Variants in MYCBP2 observed in about 807,000 individuals in gnomAD.
MYCBP2 encodes the protein E3 ubiquitin-protein ligase MYCBP2.
MYCBP2 carries 120 observed loss-of-function variants against 525.3 expected under a neutral mutation model. The ratio of observed to expected loss-of-function variants is 0.23; its 90% confidence interval spans 0.20 to 0.27. The LOEUF is 0.27. Ranked by LOEUF, MYCBP2 falls within the 10% of genes least tolerant of loss-of-function variation. MYCBP2 has a pLI of 1.00. For synonymous variants in MYCBP2, 1,894 were observed against 1,955.8 expected (o/e 0.97, Z 0.83); for missense variants, 4,149 against 5,657.1 (o/e 0.73, Z 8.55).
intron 1 of MYCBP2, among the ~76,000 whole-genome samples, chr13:77,319,014 G>T (rs2081283486): frequency 6.6e-6 from 1 of 152,208 alleles, no homozygotes; most frequent in Non-Finnish European, 1.5e-5. Context: ...ATTTGTGACA[G>T]ATATTGCTGT....
intron 15 of MYCBP2, among the ~76,000 whole-genome samples, chr13:77,245,848 G>GTA (rs941642695): frequency 1.1e-5 from 1 of 94,936 alleles, no homozygotes; most frequent in East Asian, 2.3e-4. Flanking sequence ...ATATATATAT[G>GTA]TATACACACA....
chr13:77,115,373 A>G (rs1566584832), intron 55 of MYCBP2, among the ~76,000 whole-genome samples: 1 of 151,952 alleles, frequency 6.6e-6, no homozygotes, highest in Non-Finnish European at 1.5e-5. Context: ...TTTTAAATTA[A>G]AAAGTAAATT....
At chr13:77,167,547 G>A (rs1032280541) in intron 40 of MYCBP2, among the ~76,000 whole-genome samples, 9 of 152,154 alleles carry the variant, frequency 5.9e-5, no homozygotes, top group Non-Finnish European at 8.8e-5. Flanking sequence ...GGGGACTTAA[G>A]AGACATACTA....
chr13:77,141,194 G>A (rs1429475311), intron 49 of MYCBP2, among the ~76,000 whole-genome samples: 1 of 152,060 alleles, frequency 6.6e-6, no homozygotes, highest in Admixed American at 6.6e-5. Context: ...TAGAACATAT[G>A]AAATGATACA....
rs987891633 is a variant in MYCBP2 at position 77,081,131 on chromosome 13, G to A, written c.11418+296C>T. On this transcript the variant is annotated intron_variant, in intron 65 of 82. Coordinates refer to ENST00000544440, the MANE Select transcript of MYCBP2 (RefSeq NM_015057.5). The surrounding 1 kb of genome is among the most constrained non-coding windows in gnomAD (Gnocchi z 4.6). ...TTTAAGGGGAGGACTTCCAGGTCAC[G>A]GGAAAATCTTAACCAAGGGAATGGC... is the stretch of plus-strand genomic sequence containing the variant. 2.7e-5 allele frequency: 8 copies of A among 292,012 alleles called. No homozygotes were observed. The highest frequency in any genetic ancestry group is 2.7e-4 in the East Asian group (4 of 14,978). The allele number at this position is 292,012 out of a possible 1,614,324, so 18.1% of individuals were successfully genotyped here. A position where few individuals can be genotyped will look rare whatever the true frequency, so the allele number is the denominator to read the frequency against.
At chr13:77,185,806 A>G in intron 31 of MYCBP2, 65 bp downstream of exon 31, 2 of 1,221,322 alleles carry the variant, frequency 1.6e-6, no homozygotes, top group Non-Finnish European at 2.2e-6. Flanking sequence ...AGTTATCTCA[A>G]AGTAAATCTT....
At chr13:77,091,077 GT>G (rs757928072) in intron 59 of MYCBP2, among the ~76,000 whole-genome samples, 4 of 152,036 alleles carry the variant, frequency 2.6e-5, no homozygotes, top group Non-Finnish European at 4.4e-5. Flanking sequence ...TGGTTCTGGA[GT>G]TTTTTCCATC....
chr13:77,122,369 T>A (rs891860502), intron 54 of MYCBP2, among the ~76,000 whole-genome samples: 2 of 152,160 alleles, frequency 1.3e-5, no homozygotes, highest in African/African-American at 4.8e-5. Context: ...ATCTTATTTT[T>A]AAAATATCTT....
At chr13:77,324,682 G>A (rs1163535562) in intron 1 of MYCBP2, among the ~76,000 whole-genome samples, 1 of 152,056 alleles carries the variant, frequency 6.6e-6, no homozygotes, top group Non-Finnish European at 1.5e-5. Context: ...AATGGACCAA[G>A]GGCTAAAAAA....
rs144662591 is a variant in MYCBP2 at position 77,274,280 on chromosome 13, A to AAC, written c.749-614_749-613dup. On this transcript the variant is annotated intron_variant, in intron 4 of 82. Transcript: ENST00000544440. The stretch of plus-strand genomic sequence containing the variant: ...TAAAGTCATTTAGTGGTGAAGATGA[A>AAC]ACACACACACACACAAATGTTTTAC... Among the ~76,000 whole-genome samples the AAC allele has an allele frequency of 1.7e-4, 26 of 151,942 alleles. No homozygotes were observed. In the East Asian group the frequency reaches 1.7e-3, roughly 10 times the overall value.
Position 77,288,181 on chromosome 13 carries a change from G to T in MYCBP2, c.574C>A (p.Pro192Thr), listed in dbSNP as rs1242153599. The T allele has an allele frequency of 6.2e-7, 1 of 1,613,966 alleles. No homozygotes were observed. Among genetic ancestry groups the T allele is most frequent in the African/African-American group, 1.3e-5 (1 of 74,924 alleles). ...CTTACCTTTGGAAGCTTGATAGGGG[G>T]CTCTTTGGATTCCTCTTCTTCATCA... ...DSDEEEESKE[P>T]PIKLPKIIEV... Residue 192 changes from proline to threonine, a missense_variant, in exon 3 of 83, where the codon CCC becomes ACC. Transcript: ENST00000544440.
intron 65 of MYCBP2, among the ~76,000 whole-genome samples, chr13:77,080,034 G>A (rs1227993222): frequency 2.0e-5 from 3 of 152,194 alleles, no homozygotes; most frequent in African/African-American, 4.8e-5. Context: ...AATGTACCAT[G>A]AGCCAAAGAT....
intron 1 of MYCBP2, among the ~76,000 whole-genome samples, chr13:77,300,051 G>A (rs1391198001): frequency 6.6e-6 from 1 of 152,104 alleles, no homozygotes; most frequent in African/African-American, 2.4e-5. Context: ...CAAAAATGTA[G>A]TCATAATTTT....
intron 65 of MYCBP2, among the ~76,000 whole-genome samples, chr13:77,079,272 TA>T (rs1419936537): frequency 6.6e-6 from 1 of 152,200 alleles, no homozygotes; most frequent in Non-Finnish European, 1.5e-5. Flanking sequence ...GTAACTGAAC[TA>T]ACAAATACTT....
chr13:77,234,756 C>T (rs1478104741), intron 17 of MYCBP2, among the ~76,000 whole-genome samples: 1 of 151,764 alleles, frequency 6.6e-6, no homozygotes, highest in Non-Finnish European at 1.5e-5. Context: ...TGCATGATTT[C>T]TCAATTGTTA....
At chr13:77,211,051 A>G in intron 23 of MYCBP2, 116 bp downstream of exon 23, 1 of 699,794 alleles carries the variant, frequency 1.4e-6, no homozygotes, top group Non-Finnish European at 2.0e-6. Context: ...TGCAGTTATT[A>G]GATAAACAGG....
At chr13:77,245,163 T>C (rs186339492) in intron 15 of MYCBP2, among the ~76,000 whole-genome samples, 20 of 152,268 alleles carry the variant, frequency 1.3e-4, no homozygotes, top group Non-Finnish European at 1.2e-4. Context: ...GGTGGGAGTG[T>C]AAATTAGTTC....
chr13:77,194,230 A>T lies in MYCBP2; in HGVS notation c.3858T>A (p.Gly1286=), dbSNP rs758691618. Residue 1286 remains glycine (G), a synonymous_variant, in exon 27 of 83, where the codon GGT becomes GGA. Coordinates refer to ENST00000544440, the MANE Select transcript of MYCBP2 (RefSeq NM_015057.5). The part of the protein sequence containing the change: ...YTAKIKLFEL[G]PDGGDHETDG... ...CAGTTTCATGATCTCCTCCATCAGG[A>T]CCCAATTCAAACAGCTAAGGAAAGG... The T allele has an allele frequency of 3.1e-6, 5 of 1,612,802 alleles. No homozygotes were observed. In the South Asian group the frequency reaches 4.4e-5, roughly 14 times the overall value.
At chr13:77,101,063 T>C (rs1375211308) in intron 55 of MYCBP2, among the ~76,000 whole-genome samples, 2 of 152,116 alleles carry the variant, frequency 1.3e-5, no homozygotes, top group East Asian at 1.9e-4. Flanking sequence ...ATTTTGAGTA[T>C]GTGATGTTTG....
Sources: allele counts gnomAD v4.1 joint callset (sites outside exome capture counted in the v4.1 genomes callset), GRCh38; gene constraint gnomAD v4.1.1; non-coding constraint Gnocchi (gnomAD v3.1); transcripts MANE v1.5; gene names NCBI Gene and HGNC (gene_info 2026-07-23, HGNC 2026-07-21).